The following ASZ1 variants were observed in gnomAD, a reference collection of about 807,000 sequenced individuals.
ASZ1 encodes ankyrin repeat, SAM and basic leucine zipper domain containing 1.
In ASZ1, 67 loss-of-function variants were observed where a neutral mutation model predicts 61.8. The observed-to-expected ratio is 1.08, with a 90% CI of 0.89 to 1.33. The LOEUF is 1.33. ASZ1 is among the 40% of genes most tolerant of loss of function. The pLI, the probability that ASZ1 is intolerant of heterozygous loss-of-function variation, is 0.00. For missense variants in ASZ1, 577 were observed against 554.5 expected (o/e 1.04, Z -0.41); for synonymous variants, 193 against 192.7 (o/e 1.00, Z -0.01).
chr7:117,417,873 C>T (rs1797025864), intron 4 of ASZ1, among the ~76,000 whole-genome samples: 2 of 152,316 alleles, frequency 1.3e-5, no homozygotes, highest in South Asian at 2.1e-4. Context: ...AAATCTTGTG[C>T]TCTTTCAAAT....
chr7:117,370,737 G>T (rs1346309478), intron 10 of ASZ1, among the ~76,000 whole-genome samples: 1 of 151,876 alleles, frequency 6.6e-6, no homozygotes, highest in South Asian at 2.1e-4. Flanking sequence ...CCTTTCTGGG[G>T]AGTCCTTTAA....
chr7:117,425,273 T>TA (rs1171728472), intron 2 of ASZ1, among the ~76,000 whole-genome samples: 1 of 141,398 alleles, frequency 7.1e-6, no homozygotes, highest in Non-Finnish European at 1.5e-5. Context: ...TTTTTTTTTT[T>TA]TTTTTTTTTT....
At position 117,381,045 on chromosome 7, in the gene ASZ1, T is replaced by C. The variant is rs768282961; in HGVS notation, c.911A>G (p.His304Arg). 1.9e-6 allele frequency: 3 copies of C among 1,597,906 alleles called. No individual in the cohort carries two copies. In the Admixed American group the frequency reaches 5.2e-5, roughly 28 times the overall value. The change falls in exon 9 of 13, where the codon CAT (histidine) becomes CGT (arginine). Residue 304 changes from histidine to arginine, a missense_variant. Physicochemically the swap from His to Arg is conservative, Grantham distance 29. Coordinates refer to ENST00000284629, the MANE Select transcript of ASZ1 (RefSeq NM_130768.3). The part of the protein sequence containing the change: ...LLKERDITLR[H>R]LLTMREDEFT... Reference sequence around the variant, plus strand: ...TTCATCTTCCCTCATGGTCAAAAGATGTCTTAACGTTATATCCCTTTCCTG... The same window carrying C: ...TTCATCTTCCCTCATGGTCAAAAGACGTCTTAACGTTATATCCCTTTCCTG...
intron 2 of ASZ1, among the ~76,000 whole-genome samples, chr7:117,422,639 A>G (rs1247186047): frequency 6.6e-6 from 1 of 152,190 alleles, no homozygotes; most frequent in Non-Finnish European, 1.5e-5. Context: ...AGGTTTTTAC[A>G]TGCTACCTTT....
chr7:117,367,472 A>G lies in ASZ1; in HGVS notation c.1162-7T>C, dbSNP rs1795965502. ...AAGCCCATTCCAGTGTTATCTGTTA[A>G]TATTTTCAAAAGTTCAACATTAAAT... On this transcript the variant is annotated splice_region_variant and splice_polypyrimidine_tract_variant and intron_variant, in intron 11 of 12. Coordinates refer to ENST00000284629, the MANE Select transcript of ASZ1 (RefSeq NM_130768.3). The G allele has an allele frequency of 6.7e-7, 1 of 1,490,158 alleles. No individual in the cohort carries two copies. Among genetic ancestry groups the G allele is most frequent in the Non-Finnish European group, 8.9e-7 (1 of 1,119,560 alleles). The allele number at this position is 1,490,158 out of a possible 1,614,324, so 92.3% of individuals were successfully genotyped here.
intron 4 of ASZ1, among the ~76,000 whole-genome samples, chr7:117,386,538 C>G (rs950094731): frequency 3.9e-5 from 6 of 152,134 alleles, no homozygotes; most frequent in African/African-American, 9.7e-5. Context: ...TCTACTTGGG[C>G]TGAACATAAC....
At chr7:117,368,797 A>C in intron 10 of ASZ1, 80 bp from the exon 11 acceptor site, 1 of 1,582,450 alleles carries the variant, frequency 6.3e-7, no homozygotes, top group Non-Finnish European at 8.5e-7. Flanking sequence ...AGTTACTGAA[A>C]ATCTAGTCAT....
At chr7:117,398,958 G>A (rs1562854561) in intron 4 of ASZ1, among the ~76,000 whole-genome samples, 2 of 152,200 alleles carry the variant, frequency 1.3e-5, no homozygotes, top group African/African-American at 2.4e-5. Flanking sequence ...GCTGGGCGCA[G>A]TGGCTCAAAC....
chr7:117,374,969 C>T lies in ASZ1; in HGVS notation c.1055+4969G>A, dbSNP rs570738592. 4.8e-3 allele frequency among the ~76,000 whole-genome samples: 722 copies of T among 151,960 alleles called. 4 individuals are homozygous for T. Among genetic ancestry groups the T allele is most frequent in the African/African-American group, 0.016 (671 of 41,486 alleles). ...AGAGACTGGGTAAAATGTAATTAAC[C>T]GGACCAAGTGCAATGAGAGGTAGAA... On this transcript the variant is annotated intron_variant, in intron 10 of 12. Transcript: ENST00000284629.
At chr7:117,403,621 C>T (rs912611260) in intron 4 of ASZ1, among the ~76,000 whole-genome samples, 2 of 152,180 alleles carry the variant, frequency 1.3e-5, no homozygotes, top group Non-Finnish European at 2.9e-5. Context: ...AGTCTCCCAA[C>T]TTGTAATACT....
Position 117,397,231 on chromosome 7 carries a change from G to A in ASZ1, c.441-11422C>T, listed in dbSNP as rs117979488. ...TCTCCGAACTGAACCGAACCGAACC[G>A]AACCGAACCGAACCAAACCAAACCA... On this transcript the variant is annotated intron_variant, in intron 4 of 12. Coordinates refer to ENST00000284629, the MANE Select transcript of ASZ1 (RefSeq NM_130768.3). Among the ~76,000 whole-genome samples the A allele has an allele frequency of 8.8e-4, 134 of 151,778 alleles. 3 individuals carry two copies. The East Asian group carries it at 0.018, about 21-fold the overall frequency.
At position 117,363,745 on chromosome 7, in the gene ASZ1, G is replaced by A. The variant is rs1052125638; in HGVS notation, c.1279C>T (p.Gln427Ter). The A allele has an allele frequency of 4.5e-6, 7 of 1,566,284 alleles. No individual in the cohort carries two copies. The highest frequency in any genetic ancestry group is 6.1e-6 in the Non-Finnish European group (7 of 1,156,710). Residue 427 changes from glutamine to a stop codon, truncating the protein, a stop_gained, in exon 13 of 13, where the codon CAA becomes TAA. Transcript: ENST00000284629. LOFTEE classifies it high-confidence loss of function. ...CKLKDLIQKL[Q>*]NERENDPTHI... ...GTTGGATCATTTTCCCGTTCATTTT[G>A]CAACTAATATTTAGTATGGAAAAAG...
At chr7:117,364,944 C>T (rs1308733731) in intron 12 of ASZ1, among the ~76,000 whole-genome samples, 2 of 151,808 alleles carry the variant, frequency 1.3e-5, no homozygotes, top group African/African-American at 2.4e-5. Flanking sequence ...AAAGTCTAGC[C>T]TTGACCTCTC....
At chr7:117,419,672 T>G (rs1797062873) in intron 4 of ASZ1, among the ~76,000 whole-genome samples, 2 of 152,232 alleles carry the variant, frequency 1.3e-5, no homozygotes, top group African/African-American at 4.8e-5. Flanking sequence ...GCAAGATACA[T>G]TTACTGCTTG....
At chr7:117,414,731 G>A (rs1293309460) in intron 4 of ASZ1, among the ~76,000 whole-genome samples, 1 of 152,164 alleles carries the variant, frequency 6.6e-6, no homozygotes, top group Non-Finnish European at 1.5e-5. Context: ...AGAACATGCA[G>A]TGTTTGGTTT....
At chr7:117,425,441 G>C (rs924210037) in intron 2 of ASZ1, among the ~76,000 whole-genome samples, 14 of 150,692 alleles carry the variant, frequency 9.3e-5, no homozygotes, top group African/African-American at 3.2e-4. Flanking sequence ...AATTTTTTTT[G>C]TGTTTTTTAG....
chr7:117,367,000 G>T (rs1795953669), intron 12 of ASZ1, among the ~76,000 whole-genome samples: 1 of 152,088 alleles, frequency 6.6e-6, no homozygotes, highest in African/African-American at 2.4e-5. Flanking sequence ...ACTATCAAAA[G>T]ATACAAATAT....
chr7:117,388,163 A>C (rs533784235), intron 4 of ASZ1, among the ~76,000 whole-genome samples: 1 of 152,300 alleles, frequency 6.6e-6, no homozygotes, highest in East Asian at 1.9e-4. Flanking sequence ...GTAATTATAA[A>C]TTAAATTAAA....
chr7:117,404,470 C>G (rs1359860797), intron 4 of ASZ1, among the ~76,000 whole-genome samples: 1 of 147,570 alleles, frequency 6.8e-6, no homozygotes, highest in Admixed American at 6.9e-5. Context: ...ATACCTCTTA[C>G]TTATGCAGTT....
Sources: allele counts gnomAD v4.1 joint callset (sites outside exome capture counted in the v4.1 genomes callset), GRCh38; gene constraint gnomAD v4.1.1; transcripts MANE v1.5; gene names NCBI Gene and HGNC (gene_info 2026-07-23, HGNC 2026-07-21).